ASTN1: variants seen among roughly 807,000 people sequenced by gnomAD.
ASTN1 encodes the protein astrotactin-1.
Under a neutral mutation model 140.7 loss-of-function variants are expected in ASTN1, and 41 were observed. The observed-to-expected ratio is 0.29, with a 90% confidence interval of 0.23 to 0.38. ASTN1 has a LOEUF of 0.38. Among genes scored for constraint, ASTN1 ranks in the 10% least tolerant of loss-of-function variants. The pLI, the probability that ASTN1 is intolerant of heterozygous loss-of-function variation, is 1.00. For synonymous variants in ASTN1, 640 were observed against 652.2 expected (o/e 0.98, Z 0.29); for missense variants, 1,479 against 1,678.8 (o/e 0.88, Z 2.08).
At chr1:176,987,200 T>G (rs1387425023) in intron 8 of ASTN1, among the ~76,000 whole-genome samples, 1 of 152,186 alleles carries the variant, frequency 6.6e-6, no homozygotes, top group African/African-American at 2.4e-5. Flanking sequence ...ATCATGATAC[T>G]TTTTTGGTAA....
chr1:177,005,281 T>A (rs1376985737), intron 8 of ASTN1, among the ~76,000 whole-genome samples: 3 of 152,130 alleles, frequency 2.0e-5, no homozygotes, highest in Non-Finnish European at 4.4e-5. Flanking sequence ...TGAGATACCA[T>A]TTTACCCCAA....
At chr1:177,085,151 T>C (rs1322530824) in intron 1 of ASTN1, among the ~76,000 whole-genome samples, 1 of 152,238 alleles carries the variant, frequency 6.6e-6, no homozygotes, top group Admixed American at 6.5e-5. Context: ...TAAATACTTG[T>C]CTCACTTGAT....
At chr1:176,880,630 A>G (rs1430972341) in intron 20 of ASTN1, among the ~76,000 whole-genome samples, 1 of 152,214 alleles carries the variant, frequency 6.6e-6, no homozygotes, top group Non-Finnish European at 1.5e-5. Flanking sequence ...AAAGCATTAA[A>G]TAAAATATAA....
chr1:177,005,323 C>T (rs775818749), intron 8 of ASTN1, among the ~76,000 whole-genome samples: 6 of 152,064 alleles, frequency 3.9e-5, no homozygotes, highest in Non-Finnish European at 7.4e-5. Context: ...AGACAAAAAA[C>T]AACAGATGTT....
chr1:176,961,096 G>A (rs191881874), intron 9 of ASTN1, among the ~76,000 whole-genome samples: 6 of 152,200 alleles, frequency 3.9e-5, no homozygotes, highest in Non-Finnish European at 7.4e-5. Flanking sequence ...CCCCAAAGAC[G>A]TCACTCAATA....
At chr1:177,078,570 C>T (rs369796269) in intron 1 of ASTN1, among the ~76,000 whole-genome samples, 17 of 152,148 alleles carry the variant, frequency 1.1e-4, no homozygotes, top group East Asian at 5.8e-4. Context: ...TGCCACCCAA[C>T]GGAAAGAAGT....
chr1:177,156,314 G>A (rs1300491994), intron 1 of ASTN1, among the ~76,000 whole-genome samples: 1 of 151,326 alleles, frequency 6.6e-6, no homozygotes, highest in Non-Finnish European at 1.5e-5. Flanking sequence ...TATGCTGCTT[G>A]GAGAAATAGC....
chr1:176,926,024 G>A (rs1461828523), intron 16 of ASTN1, among the ~76,000 whole-genome samples: 2 of 151,972 alleles, frequency 1.3e-5, no homozygotes, highest in African/African-American at 4.8e-5. Flanking sequence ...AGCCAGGATG[G>A]TCTCGATCTT....
intron 16 of ASTN1, among the ~76,000 whole-genome samples, chr1:176,917,868 C>T (rs74127260): frequency 0.034 from 5,124 of 152,296 alleles, 259 homozygotes; most frequent in African/African-American, 0.12. Context: ...AACACAGTCA[C>T]AAATTGTAAC....
chr1:177,135,988 T>G (rs1266139078), intron 1 of ASTN1, among the ~76,000 whole-genome samples: 4 of 152,236 alleles, frequency 2.6e-5, no homozygotes, highest in African/African-American at 9.6e-5. Flanking sequence ...ACTTGAGAAT[T>G]ATAAAATGAA....
At chr1:177,155,598 T>G (rs1298618787) in intron 1 of ASTN1, among the ~76,000 whole-genome samples, 4 of 152,196 alleles carry the variant, frequency 2.6e-5, no homozygotes, top group Admixed American at 6.5e-5. Context: ...ATTCCAATAC[T>G]GTAATAAATT....
At chr1:176,888,522 C>G (rs948273567) in intron 17 of ASTN1, among the ~76,000 whole-genome samples, 2 of 152,146 alleles carry the variant, frequency 1.3e-5, no homozygotes, top group Admixed American at 1.3e-4. Context: ...ACAACTTAGG[C>G]TCTAGAAAAA....
chr1:177,064,153 C>A (rs766046204), intron 1 of ASTN1, among the ~76,000 whole-genome samples: 26 of 152,094 alleles, frequency 1.7e-4, no homozygotes, highest in Non-Finnish European at 3.1e-4. Context: ...TCCCCTCCAC[C>A]CCACAACACA....
chr1:176,863,791 G>A lies in ASTN1; in HGVS notation c.*493C>T. ...AATTTTCTATTGTCTCTCTCTGTGA[G>A]CAGGGCCAAGGCTCCCAGAGTGAGA... On this transcript the variant is annotated 3_prime_UTR_variant, in exon 23 of 23. Transcript: ENST00000361833. 1 of 989,602 alleles carries A rather than the reference G, an allele frequency of 1.0e-6. No homozygotes were observed. Among genetic ancestry groups the A allele is most frequent in the African/African-American group, 1.7e-5 (1 of 57,350 alleles). The allele number at this position is 989,602 out of a possible 1,614,324, so 61.3% of individuals were successfully genotyped here.
intron 8 of ASTN1, among the ~76,000 whole-genome samples, chr1:176,991,097 C>T (rs569147514): frequency 1.3e-5 from 2 of 152,124 alleles, no homozygotes. Flanking sequence ...AAAACATCTT[C>T]AACACTTAAC....
chr1:177,036,336 C>G (rs918434229), intron 2 of ASTN1, among the ~76,000 whole-genome samples: 1 of 151,906 alleles, frequency 6.6e-6, no homozygotes, highest in African/African-American at 2.4e-5. Context: ...TGTGAGCCAC[C>G]GTGCCCGGCC....
At chr1:177,078,726 T>A (rs1454399331) in intron 1 of ASTN1, among the ~76,000 whole-genome samples, 1 of 152,144 alleles carries the variant, frequency 6.6e-6, no homozygotes, top group East Asian at 1.9e-4. Context: ...ATATGGTGTA[T>A]CTGTAAGGTC....
At chr1:177,012,125 G>A (rs1312925541) in intron 8 of ASTN1, among the ~76,000 whole-genome samples, 1 of 152,180 alleles carries the variant, frequency 6.6e-6, no homozygotes, top group Admixed American at 6.5e-5. Flanking sequence ...ACATACCATT[G>A]ATTTTTCCAT....
intron 1 of ASTN1, among the ~76,000 whole-genome samples, chr1:177,129,434 G>A (rs1188998164): frequency 6.6e-6 from 1 of 152,194 alleles, no homozygotes; most frequent in Admixed American, 6.5e-5. Flanking sequence ...GCAGGAGGCT[G>A]GGAGGGATCA....
Sources: gnomAD v4.1 joint callset for allele counts (sites outside exome capture counted in the v4.1 genomes callset) on GRCh38, gnomAD v4.1.1 for gene constraint, MANE v1.5 for transcripts, NCBI Gene and HGNC (gene_info 2026-07-23, HGNC 2026-07-21) for gene names.